KIF27: variants seen among roughly 807,000 people sequenced by gnomAD.
KIF27 encodes kinesin-like protein KIF27.
Under a neutral mutation model 141.8 loss-of-function variants are expected in KIF27, and 84 were observed. The ratio of observed to expected loss-of-function variants is 0.59; its 90% CI spans 0.50 to 0.71. The LOEUF is 0.71. Ranked by LOEUF, KIF27 falls within the 30% of genes least tolerant of loss-of-function variation. The pLI, the probability that KIF27 is intolerant of heterozygous loss-of-function variation, is 0.00. For synonymous variants in KIF27, 471 were observed against 569.5 expected (o/e 0.83, Z 2.46); for missense variants, 1,306 against 1,628.4 (o/e 0.80, Z 3.41).
At chr9:83,912,948 G>C (rs1156940924) in intron 2 of KIF27, among the ~76,000 whole-genome samples, 1 of 151,838 alleles carries the variant, frequency 6.6e-6, no homozygotes, top group Non-Finnish European at 1.5e-5. Flanking sequence ...CTTGATCTCA[G>C]GTGTTCAAGA....
intron 12 of KIF27, among the ~76,000 whole-genome samples, chr9:83,870,235 C>T (rs548201637): frequency 4.7e-4 from 71 of 152,018 alleles, no homozygotes; most frequent in Non-Finnish European, 9.7e-4. Flanking sequence ...GGCATGGTCT[C>T]GGCTCACTGC....
intron 16 of KIF27, among the ~76,000 whole-genome samples, chr9:83,843,507 T>A (rs1323639426): frequency 6.6e-6 from 1 of 152,216 alleles, no homozygotes; most frequent in Non-Finnish European, 1.5e-5. Flanking sequence ...TACAATTGGC[T>A]GTTTTGTAGA....
chr9:83,905,280 G>GGCT (rs1459518164), intron 3 of KIF27, among the ~76,000 whole-genome samples: 1 of 151,996 alleles, frequency 6.6e-6, no homozygotes, highest in Non-Finnish European at 1.5e-5. Flanking sequence ...CACCACGCCT[G>GGCT]GCTAATTTTT....
chr9:83,914,478 T>A (rs397835013), intron 2 of KIF27, among the ~76,000 whole-genome samples: 3 of 152,140 alleles, frequency 2.0e-5, no homozygotes, highest in African/African-American at 4.8e-5. Flanking sequence ...GTTTCTTTTT[T>A]AAAATTTTTT....
chr9:83,919,175 A>G (rs530334848), intron 1 of KIF27, among the ~76,000 whole-genome samples: 1 of 152,322 alleles, frequency 6.6e-6, no homozygotes, highest in South Asian at 2.1e-4. Flanking sequence ...GGCAGGGTAT[A>G]AAGAAATTAG....
chr9:83,835,085 A>G lies in KIF27; in HGVS notation c.*1916T>C, dbSNP rs1489425499. Among the ~76,000 whole-genome samples, 1 of 150,046 alleles carries G rather than the reference A, an allele frequency of 6.7e-6. No individual in the cohort carries two copies. Among genetic ancestry groups the G allele is most frequent in the East Asian group, 1.9e-4 (1 of 5,162 alleles). ...TAAGATTATGTGCTATGCCTTAGTTAGAAATAATTAATTTACACATACTTG... is the reference window on the plus strand; with the variant it reads ...TAAGATTATGTGCTATGCCTTAGTTGGAAATAATTAATTTACACATACTTG... On this transcript the variant is annotated 3_prime_UTR_variant, in exon 18 of 18. Transcript: ENST00000297814.
chr9:83,875,487 A>C (rs1951141513), intron 11 of KIF27, among the ~76,000 whole-genome samples: 1 of 152,232 alleles, frequency 6.6e-6, no homozygotes, highest in Non-Finnish European at 1.5e-5. Context: ...ACTTGGGATT[A>C]AGCATTAAAT....
intron 5 of KIF27, among the ~76,000 whole-genome samples, chr9:83,895,211 G>A (rs1398580682): frequency 1.4e-5 from 2 of 146,842 alleles, no homozygotes; most frequent in Admixed American, 6.9e-5. Flanking sequence ...GCAGTGAGCC[G>A]AGATCACACC....
intron 4 of KIF27, among the ~76,000 whole-genome samples, chr9:83,902,501 T>C (rs1395791303): frequency 1.3e-5 from 2 of 152,236 alleles, no homozygotes; most frequent in African/African-American, 2.4e-5. Flanking sequence ...ACATGTAACA[T>C]GTATACATGT....
chr9:83,916,879 G>A (rs370609999), intron 1 of KIF27, among the ~76,000 whole-genome samples: 10 of 152,130 alleles, frequency 6.6e-5, no homozygotes, highest in South Asian at 4.2e-4. Flanking sequence ...TAGCCAGGAC[G>A]GTCTCGATCT....
intron 4 of KIF27, among the ~76,000 whole-genome samples, chr9:83,900,161 T>C (rs889381061): frequency 2.8e-4 from 42 of 152,106 alleles, no homozygotes; most frequent in Non-Finnish European, 4.4e-4. Flanking sequence ...ATTTTCCAAA[T>C]TGACATATAG....
At position 83,870,141 on chromosome 9, in the gene KIF27, C is replaced by CTCTATCTATCTA. The variant is rs200694940; in HGVS notation, c.2757+366_2757+377dup. ...CACCAGTTTTTACATCTATCTATCT[C>CTCTATCTATCTA]TCTATCTATCTATCTATCTATCTAT... On this transcript the variant is annotated intron_variant, in intron 12 of 17. Coordinates refer to ENST00000297814, the MANE Select transcript of KIF27 (RefSeq NM_017576.4). Among the ~76,000 whole-genome samples, 497 of 151,620 alleles carry CTCTATCTATCTA rather than the reference C, an allele frequency of 3.3e-3. 2 individuals carry two copies. Among genetic ancestry groups the CTCTATCTATCTA allele is most frequent in the Middle Eastern group, 6.8e-3 (2 of 294 alleles).
chr9:83,920,084 G>A (rs1956108022), intron 1 of KIF27, among the ~76,000 whole-genome samples: 2 of 152,216 alleles, frequency 1.3e-5, no homozygotes, highest in South Asian at 4.2e-4. Context: ...ATACAAGAAT[G>A]TGCCAGGCTG....
chr9:83,902,576 C>T (rs1255877789), intron 4 of KIF27, among the ~76,000 whole-genome samples: 1 of 152,080 alleles, frequency 6.6e-6, no homozygotes, highest in Non-Finnish European at 1.5e-5. Flanking sequence ...AAAACCTATA[C>T]TCCAAACACA....
In KIF27 at chr9:83,903,892, G is replaced by A; in HGVS notation, c.626C>T (p.Ala209Val). The A allele has an allele frequency of 1.2e-6, 2 of 1,614,086 alleles. No homozygotes were observed. Among genetic ancestry groups the A allele is most frequent in the South Asian group, 1.1e-5 (1 of 91,078 alleles). ...QMNEHSSRSHAIFTISICQVH... is the reference protein window; with the variant it reads ...QMNEHSSRSHVIFTISICQVH... ...TTGACAAATGCTGATTGTAAAAATT[G>A]CATGTGATCTGCTGGAGTGCTCATT... The change falls in exon 4 of 18, where the codon GCA becomes GTA. Residue 209 changes from alanine to valine, a missense_variant. By Grantham distance (64) the Ala-to-Val change is moderately conservative. Coordinates refer to ENST00000297814, the MANE Select transcript of KIF27 (RefSeq NM_017576.4).
At chr9:83,852,494 ATCTT>A (rs1248296737) in intron 15 of KIF27, among the ~76,000 whole-genome samples, 1 of 151,986 alleles carries the variant, frequency 6.6e-6, no homozygotes, top group Admixed American at 6.6e-5. Context: ...GCACTCCACT[ATCTT>A]TCTACCCTCC....
chr9:83,848,125 GATATCTC>G (rs1192674346), intron 16 of KIF27, among the ~76,000 whole-genome samples: 1 of 48,632 alleles, frequency 2.1e-5, no homozygotes, highest in African/African-American at 1.3e-4. Context: ...TGATATATCT[GATATCTC>G]ATATATGATA....
In KIF27 at chr9:83,903,178, T is replaced by A. The variant is rs1954111988; in HGVS notation, c.1340A>T (p.Gln447Leu). The change falls in exon 4 of 18, where the codon CAA becomes CTA. Residue 447 changes from glutamine (Q) to leucine (L), a missense_variant. Around this residue, in one of 4 missense-constraint regions of KIF27, gnomAD observed 533 missense variants for 565.6 expected, o/e 0.94. Transcript: ENST00000297814. ...GGTGAGGACAGCCTTCCTGACCTCT[T>A]GGATCATGTTAAACCACTCCTGCAG... is the stretch of plus-strand genomic sequence containing the variant. The part of the protein sequence containing the change: ...HKLQEWFNMI[Q>L]EVRKAVLTSF... 9 of 1,614,190 alleles carry A rather than the reference T, an allele frequency of 5.6e-6. No individual in the cohort carries two copies. Among genetic ancestry groups the A allele is most frequent in the Non-Finnish European group, 7.6e-6 (9 of 1,180,034 alleles).
chr9:83,846,266 CACTT>C (rs1947260962), intron 16 of KIF27, among the ~76,000 whole-genome samples: 1 of 152,218 alleles, frequency 6.6e-6, no homozygotes, highest in Non-Finnish European at 1.5e-5. Flanking sequence ...CTGGAATAGA[CACTT>C]ACTCCGGATG....
Sources: allele counts gnomAD v4.1 joint callset (sites outside exome capture counted in the v4.1 genomes callset), GRCh38; gene constraint gnomAD v4.1.1; regional missense constraint gnomAD v4.1.1; transcripts MANE v1.5; gene names NCBI Gene and HGNC (gene_info 2026-07-23, HGNC 2026-07-21).